NFKBID: variants seen among roughly 807,000 people sequenced by gnomAD.
NFKBID encodes the protein NFKB inhibitor delta.
NFKBID carries 26 observed loss-of-function variants against 53.4 expected under a neutral mutation model. The ratio of observed to expected loss-of-function variants is 0.49; its 90% CI spans 0.36 to 0.68. The LOEUF (loss-of-function observed/expected upper bound fraction) is 0.68, where lower values mean the gene tolerates loss of function less well. Among genes scored for constraint, NFKBID ranks in the 30% least tolerant of loss-of-function variants. The pLI, the probability that NFKBID is intolerant of heterozygous loss-of-function variation, is 0.00. For synonymous variants in NFKBID, 262 were observed against 259.8 expected, an observed-to-expected ratio of 1.01 and a Z score of -0.08; for missense variants, 493 against 614.1, an observed-to-expected ratio of 0.80 and a Z score of 2.08.
intron 9 of NFKBID, among the ~76,000 whole-genome samples, chr19:35,894,792 G>A (rs968645236): frequency 6.6e-6 from 1 of 151,714 alleles, no homozygotes; most frequent in African/African-American, 2.4e-5. Context: ...TCGGGAGTTC[G>A]AGACCAGCCT....
At chr19:35,891,565 G>C (rs1165474850) in intron 9 of NFKBID, among the ~76,000 whole-genome samples, 5 of 152,118 alleles carry the variant, frequency 3.3e-5, no homozygotes, top group African/African-American at 1.2e-4. Context: ...ATGATACTGA[G>C]GTTTAAAAAG....
chr19:35,888,920 T>C (rs1245372628), intron 11 of NFKBID, among the ~76,000 whole-genome samples: 1 of 152,026 alleles, frequency 6.6e-6, no homozygotes, highest in Non-Finnish European at 1.5e-5. Context: ...GTGGCACGTG[T>C]GCCTTTAGTC....
chr19:35,900,565 T>G (rs1975506156), exon 1 of NFKBID: 1 of 1,230,838 alleles, frequency 8.1e-7, no homozygotes, highest in Non-Finnish European at 1.0e-6. Flanking sequence ...TACCCGCGAG[T>G]TTTTAAACTA....
intron 11 of NFKBID, 29 bp from the exon 12 acceptor site, chr19:35,888,641 G>A (rs908031244): frequency 6.4e-7 from 1 of 1,556,976 alleles, no homozygotes; most frequent in Non-Finnish European, 8.7e-7. Context: ...AGGGAGAGAA[G>A]TCTGTCAGGT....
chr19:35,889,914 C>A (rs1313884335), exon 11 of NFKBID: 2 of 1,610,442 alleles, frequency 1.2e-6, no homozygotes, highest in African/African-American at 1.3e-5. Flanking sequence ...GCCCGGGCCG[C>A]AGCAGGTGAA....
Position 35,896,096 on chromosome 19 carries a change from G to A in NFKBID, c.916C>T (p.Leu306Phe). The change falls in exon 9 of 12, where the codon CTT (leucine) becomes TTT (phenylalanine). Residue 306 changes from leucine (L) to phenylalanine (F), a missense_variant. This residue lies in a region of NFKBID where 267 missense variants were observed against 384.6 expected (regional missense o/e 0.69). Transcript: ENST00000641389. This position sits in a 1 kb window ranked among gnomAD's most constrained non-coding sequence, Gnocchi z 5.7. Reference sequence around the variant, plus strand: ...TCGGAAGGGCGCATAGCAACGTTAAGGGCCAGGATGGCCGTGTGGAGCGGG... The same window carrying A: ...TCGGAAGGGCGCATAGCAACGTTAAAGGCCAGGATGGCCGTGTGGAGCGGG... 5.6e-6 allele frequency: 9 copies of A among 1,614,208 alleles called. No homozygotes were observed. The highest frequency in any genetic ancestry group is 6.8e-6 in the Non-Finnish European group (8 of 1,180,038).
At chr19:35,892,639 TTCA>T (rs1480532398) in intron 9 of NFKBID, among the ~76,000 whole-genome samples, 3 of 152,146 alleles carry the variant, frequency 2.0e-5, no homozygotes, top group Non-Finnish European at 4.4e-5. Context: ...ATTCTTCCTC[TTCA>T]TCATTTCTTG....
intron 9 of NFKBID, among the ~76,000 whole-genome samples, chr19:35,891,966 TCAAC>T (rs1269077852): frequency 6.6e-6 from 1 of 152,048 alleles, no homozygotes; most frequent in Non-Finnish European, 1.5e-5. Flanking sequence ...CACTGTAGCC[TCAAC>T]CTACTGGGCT....
chr19:35,895,345 A>G (rs566653941), intron 9 of NFKBID, among the ~76,000 whole-genome samples: 1 of 150,006 alleles, frequency 6.7e-6, no homozygotes, highest in African/African-American at 2.5e-5. Context: ...AAAAATAGCC[A>G]GGCATGGTGG....
chr19:35,888,783 C>T (rs539088680), intron 11 of NFKBID, among the ~76,000 whole-genome samples, 171 bp from the exon 12 acceptor site: 2 of 152,118 alleles, frequency 1.3e-5, no homozygotes, highest in African/African-American at 4.8e-5. Flanking sequence ...CAGTGGCTCA[C>T]GCCTGTAATC....
At chr19:35,898,844 G>GA in intron 1 of NFKBID, 22 bp from the exon 2 acceptor site, 1 of 1,527,474 alleles carries the variant, frequency 6.5e-7, no homozygotes, top group South Asian at 1.2e-5. Flanking sequence ...AGGAGAGGGG[G>GA]AAGTCATCAA....
chr19:35,895,026 A>T (rs7251879), intron 9 of NFKBID, among the ~76,000 whole-genome samples: 1 of 151,884 alleles, frequency 6.6e-6, no homozygotes, highest in Non-Finnish European at 1.5e-5. Context: ...TTGATTTCCC[A>T]TGCCTGTTTC....
rs915926959 is a variant in NFKBID at position 35,897,713 on chromosome 19, G to A, written c.370C>T (p.Pro124Ser). The change falls in exon 4 of 12, where the codon CCT becomes TCT. Residue 124 changes from proline to serine, a missense_variant. Physicochemically the swap from Pro to Ser is moderately conservative, Grantham distance 74. This residue lies in a region of NFKBID where 226 missense variants were observed against 229.5 expected (regional missense o/e 0.98). Coordinates refer to ENST00000641389, the Ensembl canonical transcript of NFKBID. ...TCCGAGGGTGGGTAGAAGTCAGGAG[G>A]CAGGAAATTTTCGGCAGCAGAAGCA... is the stretch of plus-strand genomic sequence containing the variant. 4.3e-6 allele frequency: 7 copies of A among 1,612,316 alleles called. No homozygotes were observed. The Admixed American group carries it at 1.2e-4, about 27-fold the overall frequency.
At chr19:35,888,442 A>G (rs2146926816) in exon 12 of NFKBID, 1 of 782,464 alleles carries the variant, frequency 1.3e-6, no homozygotes, top group Non-Finnish European at 2.2e-6. Context: ...TTTAATGTAA[A>G]ACCCCAATGG....
chr19:35,890,707 T>G (rs1163813237), intron 9 of NFKBID: 2 of 582,362 alleles, frequency 3.4e-6, no homozygotes, highest in Admixed American at 4.7e-5. Context: ...CTACAAAAAA[T>G]AGAAAAATTA....
intron 10 of NFKBID, 122 bp downstream of exon 10, chr19:35,890,252 A>T: frequency 5.8e-6 from 5 of 859,980 alleles, no homozygotes; most frequent in Non-Finnish European, 7.5e-6. Context: ...TGCTTCCTAT[A>T]CTTTCCCCTG....
rs1435728545 is a variant in NFKBID at position 35,896,111 on chromosome 19, T to C, written c.901A>G (p.Thr301Ala). Residue 301 changes from threonine to alanine, a missense_variant, in exon 9 of 12, where the codon ACG (threonine) becomes GCG (alanine). Physicochemically the swap from Thr to Ala is moderately conservative, Grantham distance 58 (BLOSUM62 0). Around this residue, in one of 2 missense-constraint regions of NFKBID, gnomAD observed 267 missense variants for 384.6 expected, o/e 0.69. Coordinates refer to ENST00000641389, the Ensembl canonical transcript of NFKBID. The surrounding 1 kb of genome is among the most constrained non-coding windows in gnomAD (Gnocchi z 5.7). ...GCAACGTTAAGGGCCAGGATGGCCG[T>C]GTGGAGCGGGGTGAGGCCTGCAGAA... The C allele has an allele frequency of 6.2e-7, 1 of 1,614,102 alleles. No homozygotes were observed. The highest frequency in any genetic ancestry group is 2.2e-5 in the East Asian group (1 of 44,874).
chr19:35,889,612 G>A (rs1161363528), intron 11 of NFKBID, among the ~76,000 whole-genome samples: 1 of 152,064 alleles, frequency 6.6e-6, no homozygotes, highest in East Asian at 1.9e-4. Flanking sequence ...GGGGATCAAA[G>A]GTCACACCTT....
rs773596810 is a variant in NFKBID, at chr19:35,896,451, G to A, written c.772C>T (p.His258Tyr). Residue 258 changes from histidine to tyrosine, a missense_variant, in exon 7 of 12, where the codon CAT (histidine) becomes TAT (tyrosine). Physicochemically the swap from His to Tyr is moderately conservative, Grantham distance 83 (BLOSUM62 2). Coordinates refer to ENST00000641389, the Ensembl canonical transcript of NFKBID. This position sits in a 1 kb window ranked among gnomAD's most constrained non-coding sequence, Gnocchi z 5.7. Reference sequence around the variant, plus strand: ...ACGTGCAAGACCGAACGTCCCTGATGGTCAGCGGCATTGGGCTCTGCTCCC... The same window carrying A: ...ACGTGCAAGACCGAACGTCCCTGATAGTCAGCGGCATTGGGCTCTGCTCCC... 3 of 1,614,164 alleles carry A rather than the reference G, an allele frequency of 1.9e-6. No homozygotes were observed. In the Admixed American group the frequency reaches 5.0e-5, roughly 27 times the overall value.
Sources: gnomAD v4.1 joint callset for allele counts (sites outside exome capture counted in the v4.1 genomes callset) on GRCh38, gnomAD v4.1.1 for gene constraint, gnomAD v4.1.1 regional missense constraint, Gnocchi (gnomAD v3.1) non-coding constraint, MANE v1.5 for transcripts, NCBI Gene and HGNC (gene_info 2026-07-23, HGNC 2026-07-21) for gene names.